BMAL2: variants seen among roughly 807,000 people sequenced by gnomAD.
BMAL2 encodes basic helix-loop-helix ARNT like 2.
chr12:27,354,796 A>T, the BMAL2 span, among the ~76,000 whole-genome samples: 1 of 152,236 alleles, frequency 6.6e-6, no homozygotes. Context: ...GTTAAGGGAT[A>T]TTCAACCTGT....
At chr12:27,396,647 C>G in the BMAL2 span, among the ~76,000 whole-genome samples, 1 of 152,188 alleles carries the variant, frequency 6.6e-6, no homozygotes. Context: ...ATGTTCACTC[C>G]CACGCCAAGC....
the BMAL2 span, among the ~76,000 whole-genome samples, chr12:27,417,512 T>A: frequency 6.6e-6 from 1 of 152,186 alleles, no homozygotes; most frequent in South Asian, 2.1e-4. Flanking sequence ...CTTCAACACC[T>A]TGGGCAAGAT....
chr12:27,385,532 A>G, the BMAL2 span: 1 of 1,605,612 alleles, frequency 6.2e-7, no homozygotes, highest in Non-Finnish European at 8.5e-7. Context: ...TTTCTTCAGG[A>G]TAATGAGCTC....
chr12:27,340,530 G>A, the BMAL2 span, among the ~76,000 whole-genome samples: 1 of 151,836 alleles, frequency 6.6e-6, no homozygotes, highest in African/African-American at 2.4e-5. Flanking sequence ...TTTGAAGTTA[G>A]GCAATGGTGA....
At chr12:27,357,488 C>T in the BMAL2 span, among the ~76,000 whole-genome samples, 1 of 152,280 alleles carries the variant, frequency 6.6e-6, no homozygotes, top group East Asian at 1.9e-4. Flanking sequence ...ATACTACCAT[C>T]ATTCTTCACA....
the BMAL2 span, chr12:27,332,933 G>T: frequency 3.8e-6 from 2 of 526,226 alleles, no homozygotes; most frequent in Non-Finnish European, 5.2e-6. Flanking sequence ...CTGCGGTGGC[G>T]GCCGCCGCGG....
At chr12:27,420,050 A>ACACAC in the BMAL2 span, among the ~76,000 whole-genome samples, 77 of 59,552 alleles carry the variant, frequency 1.3e-3, no homozygotes, top group African/African-American at 3.8e-3. Context: ...CACACACACA[A>ACACAC]ACATACACTA....
chr12:27,389,149 AT>A, the BMAL2 span: 29 of 1,408,906 alleles, frequency 2.1e-5, no homozygotes, highest in African/African-American at 3.1e-4. Flanking sequence ...CATGGTACTG[AT>A]TTTAAATGAA....
chr12:27,385,669 A>C, the BMAL2 span: 3 of 642,024 alleles, frequency 4.7e-6, no homozygotes, highest in Non-Finnish European at 8.1e-6. Context: ...GGGACTCCAT[A>C]TTACACCGTA....
At chr12:27,385,603 T>C in the BMAL2 span, 1 of 1,356,416 alleles carries the variant, frequency 7.4e-7, no homozygotes, top group East Asian at 2.3e-5. Flanking sequence ...TGTGCTTTCA[T>C]TGCTGTTTGA....
chr12:27,377,890 G>A, the BMAL2 span, among the ~76,000 whole-genome samples: 1 of 152,186 alleles, frequency 6.6e-6, no homozygotes, highest in Non-Finnish European at 1.5e-5. Flanking sequence ...TGCCGAGGGT[G>A]AATGGTTGGG....
the BMAL2 span, among the ~76,000 whole-genome samples, chr12:27,350,993 C>CT: frequency 2.2e-5 from 2 of 89,584 alleles, no homozygotes; most frequent in African/African-American, 1.0e-4. Context: ...ACCCACCCCC[C>CT]CTTTTTTTTT....
chr12:27,363,970 G>A, the BMAL2 span, among the ~76,000 whole-genome samples: 9 of 152,244 alleles, frequency 5.9e-5, no homozygotes, highest in South Asian at 2.1e-4. Context: ...AAAACAACAG[G>A]TAGTTATTTC....
At chr12:27,365,719 A>C in the BMAL2 span, among the ~76,000 whole-genome samples, 5 of 135,606 alleles carry the variant, frequency 3.7e-5, no homozygotes, top group Admixed American at 2.1e-4. Flanking sequence ...TTATGACCCC[A>C]AATTTTTTTT....
chr12:27,397,362 G>A, the BMAL2 span, among the ~76,000 whole-genome samples: 10 of 152,146 alleles, frequency 6.6e-5, no homozygotes, highest in Non-Finnish European at 7.4e-5. Context: ...GAGCCACCAC[G>A]CCCAGCCAAT....
At chr12:27,368,183 T>C in the BMAL2 span, 1 of 1,527,506 alleles carries the variant, frequency 6.5e-7, no homozygotes, top group Non-Finnish European at 8.9e-7. Flanking sequence ...AAAAGTCATT[T>C]AAAATGTGTG....
chr12:27,344,325 A>T, the BMAL2 span, among the ~76,000 whole-genome samples: 10 of 152,164 alleles, frequency 6.6e-5, no homozygotes, highest in South Asian at 4.2e-4. Flanking sequence ...ATACTGGCCT[A>T]CTTTGACTTT....
chr12:27,378,064 A>C, the BMAL2 span, among the ~76,000 whole-genome samples: 1 of 152,222 alleles, frequency 6.6e-6, no homozygotes, highest in East Asian at 1.9e-4. Flanking sequence ...GATTGCCCCT[A>C]AACTATTCTA....
the BMAL2 span, among the ~76,000 whole-genome samples, chr12:27,412,372 A>G: frequency 4.6e-5 from 7 of 152,294 alleles, no homozygotes; most frequent in Non-Finnish European, 8.8e-5. Context: ...GGGGGTTCCT[A>G]ACTAAGGTAA....
Sources: allele counts gnomAD v4.1 joint callset (sites outside exome capture counted in the v4.1 genomes callset), GRCh38; gene constraint gnomAD v4.1.1; transcripts MANE v1.5; gene names NCBI Gene and HGNC (gene_info 2026-07-23, HGNC 2026-07-21).